The following CLPTM1L variants were observed in gnomAD, a reference collection of about 807,000 sequenced individuals.
CLPTM1L encodes lipid scramblase CLPTM1L.
A neutral mutation model predicts 70.9 loss-of-function variants in CLPTM1L; 38 were observed. The observed-to-expected ratio is 0.54, with a 90% CI of 0.41 to 0.70. The LOEUF (loss-of-function observed/expected upper bound fraction) is 0.70, where lower values mean the gene tolerates loss of function less well. Among genes scored for constraint, CLPTM1L ranks in the 30% least tolerant of loss-of-function variants. The pLI, the probability that CLPTM1L is intolerant of heterozygous loss-of-function variation, is 0.00. For synonymous variants in CLPTM1L, 339 were observed against 299.9 expected, an observed-to-expected ratio of 1.13 and a Z score of -1.35; for missense variants, 652 against 705.9, an observed-to-expected ratio of 0.92 and a Z score of 0.87.
Position 1,344,862 on chromosome 5 carries a change from C to G in CLPTM1L, c.-21G>C. On this transcript the variant is annotated 5_prime_UTR_variant, in exon 1 of 17. Transcript: ENST00000320895. Reference sequence around the variant, plus strand: ...CACATGGCGGCCCCGCGCCCGGCGCCCCCGGCCCGCCCGCCTCTCAGCCGC... The same window carrying G: ...CACATGGCGGCCCCGCGCCCGGCGCGCCCGGCCCGCCCGCCTCTCAGCCGC... 1 of 1,391,536 alleles carries G rather than the reference C, an allele frequency of 7.2e-7. No individual in the cohort carries two copies. The highest frequency in any genetic ancestry group is 9.4e-7 in the Non-Finnish European group (1 of 1,064,290). 86.2% of individuals were successfully genotyped at this position (1,391,536 alleles called of 1,614,324 possible). A position where few individuals can be genotyped will look rare whatever the true frequency, so the allele number is the denominator to read the frequency against.
At chr5:1,334,121 T>C (rs1312519183) in intron 7 of CLPTM1L, among the ~76,000 whole-genome samples, 168 bp downstream of exon 7, 3 of 152,076 alleles carry the variant, frequency 2.0e-5, no homozygotes, top group East Asian at 1.9e-4. Flanking sequence ...ACTGGGACAA[T>C]GGTCGCCTGG....
At position 1,345,076 on chromosome 5, in the gene CLPTM1L, C is replaced by T. The variant is rs1754193984; in HGVS notation, c.-235G>A. On this transcript the variant is annotated 5_prime_UTR_variant, in exon 1 of 17. Coordinates refer to ENST00000320895, the MANE Select transcript of CLPTM1L (RefSeq NM_030782.5). The stretch of plus-strand genomic sequence containing the variant: ...ATTCGCCGGCCCCGCGCGCCGCTTC[C>T]GGGCCCCGCCGCCTGCCGGAAGTGG... The T allele has an allele frequency of 6.5e-6, 1 of 154,460 alleles. No homozygotes were observed. Among genetic ancestry groups the T allele is most frequent in the Admixed American group, 6.6e-5 (1 of 15,174 alleles). The allele number at this position is 154,460 out of a possible 1,614,324, so 9.6% of individuals were successfully genotyped here.
rs2126721513 is a variant in CLPTM1L at position 1,322,860 on chromosome 5, G to A, written c.1315+17C>T. The A allele has an allele frequency of 6.2e-7, 1 of 1,613,296 alleles. No individual in the cohort carries two copies. The highest frequency in any genetic ancestry group is 8.5e-7 in the Non-Finnish European group (1 of 1,179,278). On this transcript the variant is annotated intron_variant, in intron 13 of 16. Coordinates refer to ENST00000320895, the MANE Select transcript of CLPTM1L (RefSeq NM_030782.5). ...CTGGAAACACTAGTACTGAAGCAGG[G>A]AAGCACATGGACTCACCGTTGACGA...
intron 10 of CLPTM1L, 169 bp downstream of exon 10, chr5:1,325,582 G>A: frequency 1.5e-6 from 1 of 652,914 alleles, no homozygotes. Flanking sequence ...GAATCCTCAG[G>A]CGAAGAGAGT....
At position 1,322,918 on chromosome 5, in the gene CLPTM1L, C is replaced by CG. The variant is rs752195731; in HGVS notation, c.1281-8dup. 5.6e-6 allele frequency: 9 copies of CG among 1,607,974 alleles called. No individual in the cohort carries two copies. The highest frequency in any genetic ancestry group is 6.8e-6 in the Non-Finnish European group (8 of 1,177,802). ...GATTAACCAGGAGTACCAGCTGAAA[C>CG]GGAAAAAAAAGGAGAAGTCCTATTT... On this transcript the variant is annotated splice_region_variant and splice_polypyrimidine_tract_variant and intron_variant, in intron 12 of 16. Coordinates refer to ENST00000320895, the MANE Select transcript of CLPTM1L (RefSeq NM_030782.5).
intron 9 of CLPTM1L, among the ~76,000 whole-genome samples, chr5:1,327,521 C>T (rs1752687589): frequency 1.3e-5 from 2 of 149,908 alleles, no homozygotes; most frequent in Admixed American, 6.6e-5. Flanking sequence ...AGGGACATTC[C>T]ATCCAGCTCC....
At chr5:1,339,372 G>A (rs1471290606) in intron 3 of CLPTM1L, among the ~76,000 whole-genome samples, 4 of 132,214 alleles carry the variant, frequency 3.0e-5, no homozygotes, top group African/African-American at 8.8e-5. Context: ...TGGAAAAACC[G>A]CACCCGGACA....
chr5:1,319,746 A>G (rs1460678074), intron 16 of CLPTM1L, among the ~76,000 whole-genome samples: 1 of 152,170 alleles, frequency 6.6e-6, no homozygotes. Context: ...TGAGGGCCAG[A>G]GAAAGGACAC....
chr5:1,334,995 C>G lies in CLPTM1L; in HGVS notation c.796+62G>C, dbSNP rs539945068. 4.3e-4 allele frequency: 571 copies of G among 1,334,528 alleles called. 1 individual carries two copies. In the African/African-American group the frequency reaches 7.4e-3, roughly 17 times the overall value. The allele number at this position is 1,334,528 out of a possible 1,614,324, so 82.7% of individuals were successfully genotyped here. On this transcript the variant is annotated intron_variant, in intron 6 of 16. Coordinates refer to ENST00000320895, the MANE Select transcript of CLPTM1L (RefSeq NM_030782.5). ...GCCCCGGCCTGTGTCAGGATTCGCA[C>G]TTGGATGCCCGAGGGGCTCCAGGGC...
At chr5:1,341,061 C>T (rs561077249) in intron 3 of CLPTM1L, among the ~76,000 whole-genome samples, 10 of 152,362 alleles carry the variant, frequency 6.6e-5, no homozygotes, top group East Asian at 1.9e-4. Flanking sequence ...CCACTGCGCC[C>T]GGCCTTGTTT....
rs114448516 is a variant in CLPTM1L, at chr5:1,321,204, C to T, written c.1416+431G>A. ...ATTAACTCAGCTCCGCCTGCAATGC[C>T]GAGGCACTTCTAATCCCACACGGAG... On this transcript the variant is annotated intron_variant, in intron 15 of 16. Coordinates refer to ENST00000320895, the MANE Select transcript of CLPTM1L (RefSeq NM_030782.5). 2.3e-3 allele frequency among the ~76,000 whole-genome samples: 349 copies of T among 152,342 alleles called. 1 individual carries two copies. The highest frequency in any genetic ancestry group is 7.9e-3 in the African/African-American group (329 of 41,576).
rs746570780 is a variant in CLPTM1L, at chr5:1,344,377, G to C, written c.237C>G (p.Asp79Glu). The part of the protein sequence containing the change: ...NNIDLVLNVE[D>E]FDVESKFERT... Reference sequence around the variant, plus strand: ...TTTCAAATTTGGACTCCACATCAAAGTCTTCCACATTCAAGACCAGGTCGA... The same window carrying C: ...TTTCAAATTTGGACTCCACATCAAACTCTTCCACATTCAAGACCAGGTCGA... The change falls in exon 2 of 17, where the codon GAC (aspartate) becomes GAG (glutamate). Residue 79 changes from aspartate (D) to glutamate (E), a missense_variant. Physicochemically the swap from Asp to Glu is conservative, Grantham distance 45. Transcript: ENST00000320895. 1 of 1,613,774 alleles carries C rather than the reference G, an allele frequency of 6.2e-7. No individual in the cohort carries two copies. The highest frequency in any genetic ancestry group is 1.7e-5 in the Admixed American group (1 of 60,022).
chr5:1,332,945 T>C (rs1021602827), intron 7 of CLPTM1L, among the ~76,000 whole-genome samples: 2 of 150,224 alleles, frequency 1.3e-5, no homozygotes, highest in African/African-American at 2.5e-5. Context: ...CGGACTACTG[T>C]ATATACACTG....
chr5:1,325,505 G>A, intron 10 of CLPTM1L: 1 of 534,908 alleles, frequency 1.9e-6, no homozygotes, highest in Non-Finnish European at 3.3e-6. Flanking sequence ...TCCTCCCAGA[G>A]GCCGGCTCAG....
intron 8 of CLPTM1L, chr5:1,330,736 T>G: frequency 4.2e-6 from 1 of 235,406 alleles, no homozygotes; most frequent in African/African-American, 2.2e-5. Flanking sequence ...GCGTGGCTTT[T>G]CAAGTCTGGA....
At position 1,321,838 on chromosome 5, in the gene CLPTM1L, C is replaced by A; in HGVS notation, c.1316-19G>T. The A allele has an allele frequency of 6.2e-7, 1 of 1,611,140 alleles. No individual in the cohort carries two copies. ...TAGACCCCTGCAGAAAGACAGACAGCACTCACGAGGTGCGGAGGGCCGGGC... is the reference window on the plus strand; with the variant it reads ...TAGACCCCTGCAGAAAGACAGACAGAACTCACGAGGTGCGGAGGGCCGGGC... On this transcript the variant is annotated intron_variant, in intron 13 of 16. Transcript: ENST00000320895.
rs1579612890 is a variant in CLPTM1L, at chr5:1,318,513, G to T, written c.1533-60C>A. On this transcript the variant is annotated intron_variant, in intron 16 of 16. Coordinates refer to ENST00000320895, the MANE Select transcript of CLPTM1L (RefSeq NM_030782.5). The surrounding 1 kb of genome is among the most constrained non-coding windows in gnomAD (Gnocchi z 8.9). ...CACTGCAGGGGCTATTTTTCTAAGAGGAGGACTTGGCATCCTCGATTTATT... is the reference window on the plus strand; with the variant it reads ...CACTGCAGGGGCTATTTTTCTAAGATGAGGACTTGGCATCCTCGATTTATT... 1 of 1,366,500 alleles carries T rather than the reference G, an allele frequency of 7.3e-7. No individual in the cohort carries two copies. The highest frequency in any genetic ancestry group is 2.3e-5 in the East Asian group (1 of 43,156). The allele number at this position is 1,366,500 out of a possible 1,614,324, so 84.6% of individuals were successfully genotyped here.
At position 1,334,348 on chromosome 5, in the gene CLPTM1L, T is replaced by C; in HGVS notation, c.832A>G (p.Ile278Val). 2 of 1,613,390 alleles carry C rather than the reference T, an allele frequency of 1.2e-6. No homozygotes were observed. The highest frequency in any genetic ancestry group is 1.1e-5 in the South Asian group (1 of 91,048). ...SEKDADEVKG[I>V]FVDTNLYFLA... Reference sequence around the variant, plus strand: ...AAGTATAAGTTGGTATCTACAAAAATTCCTTTCACCTCATCAGCATCTTTC... The same window carrying C: ...AAGTATAAGTTGGTATCTACAAAAACTCCTTTCACCTCATCAGCATCTTTC... Residue 278 changes from isoleucine to valine, a missense_variant, in exon 7 of 17, where the codon ATT becomes GTT. Ile to Val is a conservative substitution (Grantham distance 29). Around this residue, in one of 3 missense-constraint regions of CLPTM1L, gnomAD observed 402 missense variants for 388.2 expected, o/e 1.04. Coordinates refer to ENST00000320895, the MANE Select transcript of CLPTM1L (RefSeq NM_030782.5).
intron 8 of CLPTM1L, chr5:1,330,649 A>G (rs1753027631): frequency 2.0e-6 from 1 of 490,596 alleles, no homozygotes; most frequent in Non-Finnish European, 3.6e-6. Context: ...ATGAGCATGG[A>G]ACGTGGGCAG....
Sources: allele counts gnomAD v4.1 joint callset (sites outside exome capture counted in the v4.1 genomes callset), GRCh38; gene constraint gnomAD v4.1.1; regional missense constraint gnomAD v4.1.1; non-coding constraint Gnocchi (gnomAD v3.1); transcripts MANE v1.5; gene names NCBI Gene and HGNC (gene_info 2026-07-23, HGNC 2026-07-21).